FAM13A: variants seen among roughly 807,000 people sequenced by gnomAD.
The protein encoded by FAM13A is family with sequence similarity 13 member A.
FAM13A carries 76 observed loss-of-function variants against 129.6 expected under a neutral mutation model. The observed-to-expected ratio is 0.59, with a 90% CI of 0.49 to 0.71. The LOEUF (loss-of-function observed/expected upper bound fraction) is 0.71. FAM13A is among the 30% of genes least tolerant of loss of function. The pLI is 0.00. For missense variants in FAM13A, 1,108 were observed against 1,249.3 expected (o/e 0.89, Z 1.70); for synonymous variants, 443 against 449.9 (o/e 0.98, Z 0.20).
chr4:88,953,125 C>T (rs1159601224), intron 4 of FAM13A, among the ~76,000 whole-genome samples: 1 of 152,062 alleles, frequency 6.6e-6, no homozygotes, highest in Non-Finnish European at 1.5e-5. Flanking sequence ...TCCATCATCA[C>T]AATCAATTTT....
intron 6 of FAM13A, among the ~76,000 whole-genome samples, chr4:88,857,489 C>T (rs978121882): frequency 1.3e-5 from 2 of 151,910 alleles, no homozygotes; most frequent in African/African-American, 4.8e-5. Flanking sequence ...ATTAGCCAGG[C>T]ATGGTGGCGC....
At chr4:88,743,864 C>G (rs1467552018) in intron 19 of FAM13A, among the ~76,000 whole-genome samples, 1 of 152,186 alleles carries the variant, frequency 6.6e-6, no homozygotes, top group Non-Finnish European at 1.5e-5. Flanking sequence ...TATGCGGCCT[C>G]AAACTCTTAG....
intron 4 of FAM13A, among the ~76,000 whole-genome samples, chr4:88,962,783 T>C (rs76962020): frequency 0.017 from 2,584 of 152,276 alleles, 76 homozygotes; most frequent in African/African-American, 0.058. Context: ...TAGTCCCAAA[T>C]TGACAGCAAT....
At chr4:88,817,209 A>G (rs1219349974) in intron 7 of FAM13A, among the ~76,000 whole-genome samples, 1 of 152,208 alleles carries the variant, frequency 6.6e-6, no homozygotes, top group East Asian at 1.9e-4. Flanking sequence ...AATATACTCA[A>G]AACTATTGAA....
Position 89,020,443 on chromosome 4 carries a change from G to T in FAM13A, c.427+17C>A. Reference sequence around the variant, plus strand: ...AGTAAAGTTGTTTTAACTCCTAAAAGGATTTATTGTACTAACCCTGAAAGA... The same window carrying T: ...AGTAAAGTTGTTTTAACTCCTAAAATGATTTATTGTACTAACCCTGAAAGA... On this transcript the variant is annotated intron_variant, in intron 3 of 23. Coordinates refer to ENST00000264344, the MANE Select transcript of FAM13A (RefSeq NM_014883.4). The T allele has an allele frequency of 6.2e-7, 1 of 1,600,212 alleles. No individual in the cohort carries two copies. Among genetic ancestry groups the T allele is most frequent in the Admixed American group, 1.7e-5 (1 of 59,880 alleles).
intron 7 of FAM13A, chr4:88,823,421 G>T: frequency 1.3e-6 from 1 of 758,710 alleles, no homozygotes; most frequent in Non-Finnish European, 1.6e-6. Context: ...CTCCTCAGTG[G>T]GCTTGCCTAG....
intron 6 of FAM13A, among the ~76,000 whole-genome samples, chr4:88,877,881 T>G (rs1475431277): frequency 1.3e-5 from 2 of 152,184 alleles, no homozygotes; most frequent in African/African-American, 4.8e-5. Flanking sequence ...CGCAGTGGGA[T>G]CAATGGTGGT....
intron 11 of FAM13A, among the ~76,000 whole-genome samples, chr4:88,774,970 G>T (rs1039104068): frequency 6.6e-6 from 1 of 152,098 alleles, no homozygotes; most frequent in Non-Finnish European, 1.5e-5. Context: ...ACTGCAGACA[G>T]AATCCATCAA....
At chr4:88,961,484 C>T (rs1579513222) in intron 4 of FAM13A, among the ~76,000 whole-genome samples, 1 of 150,334 alleles carries the variant, frequency 6.7e-6, no homozygotes, top group South Asian at 2.1e-4. Context: ...TCTCCTACCT[C>T]AGCCTCCCAA....
intron 8 of FAM13A, among the ~76,000 whole-genome samples, chr4:88,797,380 C>T (rs940791323): frequency 6.6e-6 from 1 of 151,812 alleles, no homozygotes; most frequent in Non-Finnish European, 1.5e-5. Flanking sequence ...TCAAGCAATC[C>T]TCTTGCTTCG....
In FAM13A at chr4:88,809,251, C is replaced by T. The variant is rs560201713; in HGVS notation, c.1008-4199G>A. ...TACCCAGAATGGATCTTCAATTACTCGATCAAACCACCATTCCATTCCATT... is the reference window on the plus strand; with the variant it reads ...TACCCAGAATGGATCTTCAATTACTTGATCAAACCACCATTCCATTCCATT... On this transcript the variant is annotated intron_variant, in intron 7 of 23. Transcript: ENST00000264344. Among the ~76,000 whole-genome samples, 35 of 152,160 alleles carry T rather than the reference C, an allele frequency of 2.3e-4. 1 individual carries two copies. The South Asian group carries it at 6.6e-3, about 29-fold the overall frequency.
chr4:88,935,027 G>C (rs1753626772), intron 5 of FAM13A, among the ~76,000 whole-genome samples: 1 of 152,168 alleles, frequency 6.6e-6, no homozygotes. Context: ...AAAGTTGAAG[G>C]GGAAGTCATA....
chr4:88,962,889 G>C (rs1758817795), intron 4 of FAM13A, among the ~76,000 whole-genome samples: 1 of 152,138 alleles, frequency 6.6e-6, no homozygotes. Context: ...AACGTTAGTT[G>C]ACATGGAAGA....
chr4:88,734,101 T>C (rs1161570456), intron 21 of FAM13A, among the ~76,000 whole-genome samples: 2 of 152,224 alleles, frequency 1.3e-5, no homozygotes, highest in African/African-American at 4.8e-5. Flanking sequence ...AGATAATATA[T>C]AAGCAATTGG....
rs1455332941 is a variant in FAM13A, at chr4:88,726,241, G to A, written c.*2292C>T. On this transcript the variant is annotated 3_prime_UTR_variant, in exon 24 of 24. Transcript: ENST00000264344. ...GACTAACAAACATTTCTTCAAATAAGATCTAGTGTGAAAAGGGCTTCCTCT... is the reference window on the plus strand; with the variant it reads ...GACTAACAAACATTTCTTCAAATAAAATCTAGTGTGAAAAGGGCTTCCTCT... The A allele has an allele frequency of 6.6e-6, 1 of 152,130 alleles. No individual in the cohort carries two copies. The highest frequency in any genetic ancestry group is 1.5e-5 in the Non-Finnish European group (1 of 68,018). The allele number at this position is 152,130 out of a possible 1,614,324, so 9.4% of individuals were successfully genotyped here.
At chr4:88,840,264 T>C (rs147180137) in intron 7 of FAM13A, among the ~76,000 whole-genome samples, 10 of 152,264 alleles carry the variant, frequency 6.6e-5, no homozygotes, top group African/African-American at 1.7e-4. Flanking sequence ...CTGTTGTTCT[T>C]AACAAGAACA....
chr4:88,807,596 T>A (rs1728826103), intron 7 of FAM13A, among the ~76,000 whole-genome samples: 1 of 152,142 alleles, frequency 6.6e-6, no homozygotes, highest in African/African-American at 2.4e-5. Flanking sequence ...GATGACTAGG[T>A]TAGTGAAGAA....
At chr4:88,921,124 T>C (rs534105544) in intron 5 of FAM13A, among the ~76,000 whole-genome samples, 20 of 152,228 alleles carry the variant, frequency 1.3e-4, no homozygotes, top group South Asian at 6.2e-4. Flanking sequence ...TGGAAACCAC[T>C]CTGCAGGATA....
chr4:89,056,066 A>C (rs1003253391), intron 1 of FAM13A, among the ~76,000 whole-genome samples: 4 of 152,204 alleles, frequency 2.6e-5, no homozygotes. Flanking sequence ...TGAGCAGTTA[A>C]GGTGATAATA....
Sources: gnomAD v4.1 joint callset for allele counts (sites outside exome capture counted in the v4.1 genomes callset) on GRCh38, gnomAD v4.1.1 for gene constraint, MANE v1.5 for transcripts, NCBI Gene and HGNC (gene_info 2026-07-23, HGNC 2026-07-21) for gene names.